PKD2L2: variants seen among roughly 807,000 people sequenced by gnomAD.
PKD2L2 encodes polycystin-2-like protein 2.
In PKD2L2, 67 loss-of-function variants were observed where a neutral mutation model predicts 83.9. The observed-to-expected ratio is 0.80, with a 90% confidence interval of 0.66 to 0.98. The LOEUF (loss-of-function observed/expected upper bound fraction) is 0.98. Ranked by LOEUF, PKD2L2 falls within the 50% of genes least tolerant of loss-of-function variation. The probability of loss-of-function intolerance (pLI) is 0.00; values close to 1 mark genes in which losing one functional copy is unlikely to be tolerated. For synonymous variants in PKD2L2, 223 were observed against 237.8 expected, an observed-to-expected ratio of 0.94 and a Z score of 0.57; for missense variants, 632 against 717.2, an observed-to-expected ratio of 0.88 and a Z score of 1.36.
At chr5:137,936,222 C>T (rs1581007710) in intron 13 of PKD2L2, 98 bp from the exon 14 acceptor site, 2 of 1,072,472 alleles carry the variant, frequency 1.9e-6, no homozygotes, top group Admixed American at 2.1e-5. Context: ...TAGGAGCTTA[C>T]AATTCTATCT....
At chr5:137,892,011 A>G (rs7710358) in intron 2 of PKD2L2, among the ~76,000 whole-genome samples, 1 of 152,212 alleles carries the variant, frequency 6.6e-6, no homozygotes, top group Non-Finnish European at 1.5e-5. Context: ...AAAACTCATC[A>G]TGTGCCAAAA....
chr5:137,919,251 G>A (rs1758671026), intron 8 of PKD2L2, among the ~76,000 whole-genome samples: 1 of 152,184 alleles, frequency 6.6e-6, no homozygotes, highest in Non-Finnish European at 1.5e-5. Context: ...AACCCTGTAT[G>A]TTGAGGCGTC....
intron 12 of PKD2L2, among the ~76,000 whole-genome samples, chr5:137,926,643 A>G (rs1325535387): frequency 1.3e-5 from 2 of 152,198 alleles, no homozygotes; most frequent in Non-Finnish European, 2.9e-5. Flanking sequence ...AATGAGCACT[A>G]GTACCCAGAT....
chr5:137,895,577 C>T (rs535346783), intron 4 of PKD2L2, among the ~76,000 whole-genome samples: 1 of 151,744 alleles, frequency 6.6e-6, no homozygotes, highest in South Asian at 2.1e-4. Context: ...GCAGTGCACA[C>T]TTTGTGCTTT....
intron 2 of PKD2L2, 57 bp downstream of exon 2, chr5:137,890,639 G>T: frequency 1.3e-6 from 1 of 754,862 alleles, no homozygotes; most frequent in Non-Finnish European, 2.1e-6. Context: ...AAAATGTGGA[G>T]ATGAAAAATA....
At chr5:137,925,016 C>G (rs773681493) in intron 10 of PKD2L2, 24 bp from the exon 11 acceptor site, 45 of 1,384,034 alleles carry the variant, frequency 3.3e-5, no homozygotes, top group Admixed American at 5.2e-5. Flanking sequence ...AATGCATTTT[C>G]AAACTATTTT....
At chr5:137,913,173 CCTT>C (rs1195412892) in intron 8 of PKD2L2, among the ~76,000 whole-genome samples, 16 of 142,450 alleles carry the variant, frequency 1.1e-4, no homozygotes, top group African/African-American at 3.4e-4. Flanking sequence ...CCGCGCCCAG[CCTT>C]CTTTTTTCTT....
chr5:137,896,694 G>T (rs141431945), intron 4 of PKD2L2, among the ~76,000 whole-genome samples: 132 of 152,114 alleles, frequency 8.7e-4, no homozygotes, highest in Non-Finnish European at 1.6e-3. Context: ...TTACAGGTGT[G>T]AGCCACTGCG....
intron 8 of PKD2L2, among the ~76,000 whole-genome samples, chr5:137,911,727 C>T (rs1199568973): frequency 6.6e-6 from 1 of 152,120 alleles, no homozygotes; most frequent in Non-Finnish European, 1.5e-5. Context: ...ACTATAGTCA[C>T]CATGCTATAC....
chr5:137,924,193 T>C (rs1483111181), intron 10 of PKD2L2, among the ~76,000 whole-genome samples: 2 of 152,176 alleles, frequency 1.3e-5, no homozygotes, highest in Non-Finnish European at 2.9e-5. Flanking sequence ...GATTATCAGT[T>C]TCCCTAATCC....
At position 137,941,893 on chromosome 5, in the gene PKD2L2, G is replaced by A; in HGVS notation, c.*18-491G>A. 3.5e-6 allele frequency: 5 copies of A among 1,412,984 alleles called. No individual in the cohort carries two copies. The Middle Eastern group carries it at 7.3e-4, about 207-fold the overall frequency. 87.5% of individuals were successfully genotyped at this position (1,412,984 alleles called of 1,614,324 possible). A position where few individuals can be genotyped will look rare whatever the true frequency, so the allele number is the denominator to read the frequency against. Reference sequence around the variant, plus strand: ...ATTCCATTATTTCAACATATGGTCAGTTTGTGAGTTAGAGAAGAAAGATGA... The same window carrying A: ...ATTCCATTATTTCAACATATGGTCAATTTGTGAGTTAGAGAAGAAAGATGA... On this transcript the variant is annotated intron_variant, in intron 14 of 14. Coordinates refer to ENST00000508883, the MANE Select transcript of PKD2L2 (RefSeq NM_001300921.2).
chr5:137,920,212 A>T (rs543916115), intron 8 of PKD2L2, among the ~76,000 whole-genome samples: 380 of 152,190 alleles, frequency 2.5e-3, no homozygotes, highest in Middle Eastern at 0.01. Flanking sequence ...TCAAAAAAAA[A>T]TTTTTTTCCA....
Position 137,940,303 on chromosome 5 carries a change from T to C in PKD2L2, c.*18-2081T>C, listed in dbSNP as rs761980022. On this transcript the variant is annotated intron_variant, in intron 14 of 14. Coordinates refer to ENST00000508883, the MANE Select transcript of PKD2L2 (RefSeq NM_001300921.2). ...GCTTGGCTTTAATTTTCTTGTACTC[T>C]CTGTACTCCTCAAGCACTGGAACAC... 5.6e-6 allele frequency: 9 copies of C among 1,609,476 alleles called. No individual in the cohort carries two copies. The East Asian group carries it at 2.0e-4, about 36-fold the overall frequency.
At chr5:137,914,306 T>C (rs1420338447) in intron 8 of PKD2L2, among the ~76,000 whole-genome samples, 2 of 152,120 alleles carry the variant, frequency 1.3e-5, no homozygotes, top group African/African-American at 4.8e-5. Context: ...AGTGCTGATA[T>C]GACACTCAAA....
At chr5:137,942,285 A>G in intron 14 of PKD2L2, 99 bp from the exon 15 acceptor site, 1 of 500,660 alleles carries the variant, frequency 2.0e-6, no homozygotes. Flanking sequence ...ATCCAAAGGT[A>G]AAGAAGTGGA....
chr5:137,917,728 T>C (rs61370495), intron 8 of PKD2L2, among the ~76,000 whole-genome samples: 16 of 152,368 alleles, frequency 1.1e-4, no homozygotes, highest in African/African-American at 3.8e-4. Flanking sequence ...GTTAAAGTCT[T>C]TGTAGTAGGT....
chr5:137,900,274 A>G (rs1019761102), intron 5 of PKD2L2, among the ~76,000 whole-genome samples: 1 of 152,202 alleles, frequency 6.6e-6, no homozygotes, highest in African/African-American at 2.4e-5. Flanking sequence ...CACCATCTTC[A>G]CATAAGCAGT....
rs553912344 is a variant in PKD2L2, at chr5:137,916,024, AT to A, written c.1329-5602del. On this transcript the variant is annotated intron_variant, in intron 8 of 14. Transcript: ENST00000508883. ...TCCCTCACCAATTATGTATACACAC[AT>A]TTTTTTTTTCTTTTTTCTTTTTTTT... is the stretch of plus-strand genomic sequence containing the variant. 1.6e-3 allele frequency among the ~76,000 whole-genome samples: 85 copies of A among 54,256 alleles called. 1 individual carries two copies. Among genetic ancestry groups the A allele is most frequent in the African/African-American group, 3.8e-3 (79 of 20,590 alleles). The allele number at this position is 54,256 out of a possible 152,430, so 35.6% of individuals were successfully genotyped here.
At chr5:137,941,199 C>T (rs769987932) in intron 14 of PKD2L2, among the ~76,000 whole-genome samples, 3 of 152,132 alleles carry the variant, frequency 2.0e-5, no homozygotes, top group Non-Finnish European at 2.9e-5. Flanking sequence ...TGAGCCACTG[C>T]GCCTGGCCCA....
Sources: gnomAD v4.1 joint callset for allele counts (sites outside exome capture counted in the v4.1 genomes callset) on GRCh38, gnomAD v4.1.1 for gene constraint, MANE v1.5 for transcripts, NCBI Gene and HGNC (gene_info 2026-07-23, HGNC 2026-07-21) for gene names.